Variants in LRP1B observed in about 807,000 individuals in gnomAD.
The protein encoded by LRP1B is LDL receptor related protein 1B, also known as low-density lipoprotein receptor-related protein 1B.
A neutral mutation model predicts 556.6 loss-of-function variants in LRP1B; 217 were observed. That is an observed-to-expected ratio of 0.39 (90% CI 0.35 to 0.44). The LOEUF (loss-of-function observed/expected upper bound fraction) is 0.44. Among genes scored for constraint, LRP1B ranks in the 20% least tolerant of loss-of-function variants. The pLI is 1.00. For synonymous variants in LRP1B, 2,047 were observed against 1,865.8 expected (o/e 1.10, Z -2.50); for missense variants, 5,053 against 5,620.8 (o/e 0.90, Z 3.23).
chr2:141,521,307 T>TA (rs1353976308), intron 2 of LRP1B, among the ~76,000 whole-genome samples: 1 of 152,108 alleles, frequency 6.6e-6, no homozygotes, highest in Non-Finnish European at 1.5e-5. Flanking sequence ...GGAAACTTTT[T>TA]ATCCACATTT....
chr2:141,678,728 T>G (rs1245826601), intron 2 of LRP1B, among the ~76,000 whole-genome samples: 1 of 152,106 alleles, frequency 6.6e-6, no homozygotes, highest in Non-Finnish European at 1.5e-5. Flanking sequence ...CAATAGGTAA[T>G]TAATTCATAA....
At chr2:141,401,957 A>C (rs886887900) in intron 3 of LRP1B, among the ~76,000 whole-genome samples, 2 of 152,198 alleles carry the variant, frequency 1.3e-5, no homozygotes, top group African/African-American at 2.4e-5. Flanking sequence ...CATGTAAACT[A>C]TATTTGAACG....
chr2:140,303,480 A>C (rs1573758962), intron 83 of LRP1B, among the ~76,000 whole-genome samples: 1 of 151,652 alleles, frequency 6.6e-6, no homozygotes. Context: ...AATTCCTGAC[A>C]TTGTGATCCT....
chr2:142,027,260 C>T (rs893162047), intron 1 of LRP1B, among the ~76,000 whole-genome samples: 1 of 151,448 alleles, frequency 6.6e-6, no homozygotes, highest in Non-Finnish European at 1.5e-5. Flanking sequence ...CTAGTCTAAT[C>T]CTTTCATTTT....
chr2:140,570,326 A>T (rs1307255313), intron 43 of LRP1B, among the ~76,000 whole-genome samples: 3 of 151,720 alleles, frequency 2.0e-5, no homozygotes, highest in Admixed American at 6.6e-5. Flanking sequence ...CCCAAAAATC[A>T]TAATCAAAAA....
intron 23 of LRP1B, among the ~76,000 whole-genome samples, chr2:140,886,949 C>T (rs762309951): frequency 6.6e-6 from 1 of 152,034 alleles, no homozygotes; most frequent in South Asian, 2.1e-4. Flanking sequence ...GCTTTGAAAA[C>T]GGATATGAGA....
At chr2:142,038,363 C>T (rs4550611) in intron 1 of LRP1B, among the ~76,000 whole-genome samples, 30,030 of 151,464 alleles carry the variant, frequency 0.2, 3,314 homozygotes, top group South Asian at 0.44. Flanking sequence ...GAAACTTTAG[C>T]TTCTAAGCTC....
At chr2:140,898,655 G>T in intron 23 of LRP1B, 1 of 432,816 alleles carries the variant, frequency 2.3e-6, no homozygotes, top group South Asian at 1.7e-5. Flanking sequence ...TCTGCCTAAT[G>T]AGATTATGCA....
chr2:140,622,807 A>G (rs1423946859), intron 41 of LRP1B, among the ~76,000 whole-genome samples: 1 of 152,208 alleles, frequency 6.6e-6, no homozygotes, highest in Non-Finnish European at 1.5e-5. Flanking sequence ...TCAGTTCTGT[A>G]TTTGATCGTG....
intron 41 of LRP1B, among the ~76,000 whole-genome samples, chr2:140,653,122 CAT>C (rs1215533252): frequency 6.6e-6 from 1 of 151,988 alleles, no homozygotes; most frequent in Non-Finnish European, 1.5e-5. Context: ...ATAAAACAAA[CAT>C]AGGATGCTAT....
At chr2:140,773,609 TATATA>T (rs1444082338) in intron 33 of LRP1B, among the ~76,000 whole-genome samples, 2 of 151,442 alleles carry the variant, frequency 1.3e-5, no homozygotes, top group East Asian at 3.9e-4. Context: ...ATAAGTATTA[TATATA>T]ATATTTCAGA....
intron 3 of LRP1B, among the ~76,000 whole-genome samples, chr2:141,349,011 A>G (rs1005746795): frequency 6.6e-5 from 10 of 152,032 alleles, no homozygotes; most frequent in African/African-American, 1.5e-4. Flanking sequence ...CCCCAGCCAC[A>G]TGGAACTCTA....
intron 7 of LRP1B, among the ~76,000 whole-genome samples, chr2:141,163,977 G>A (rs1288986225): frequency 6.6e-6 from 1 of 151,794 alleles, no homozygotes; most frequent in Non-Finnish European, 1.5e-5. Flanking sequence ...ATTTCTGTGG[G>A]TAAATTACAT....
At chr2:140,395,407 G>A (rs1011397941) in intron 66 of LRP1B, among the ~76,000 whole-genome samples, 1 of 152,190 alleles carries the variant, frequency 6.6e-6, no homozygotes, top group Non-Finnish European at 1.5e-5. Context: ...AACCTACGTT[G>A]TAAAGTGTTT....
intron 1 of LRP1B, among the ~76,000 whole-genome samples, chr2:142,050,997 G>T (rs948672022): frequency 6.6e-6 from 1 of 152,098 alleles, no homozygotes; most frequent in Non-Finnish European, 1.5e-5. Context: ...TGTGAAGAAA[G>T]TATCAGCAAA....
At chr2:141,485,463 C>T (rs1304990362) in intron 2 of LRP1B, among the ~76,000 whole-genome samples, 1 of 152,104 alleles carries the variant, frequency 6.6e-6, no homozygotes. Context: ...TAGGATATTT[C>T]AGTTGGAAAA....
intron 20 of LRP1B, among the ~76,000 whole-genome samples, chr2:140,947,798 C>T (rs761907979): frequency 3.9e-5 from 6 of 152,200 alleles, no homozygotes; most frequent in Non-Finnish European, 8.8e-5. Flanking sequence ...AATGTATAAT[C>T]TGATCAATAC....
chr2:140,602,704 C>G (rs527966822), intron 41 of LRP1B, among the ~76,000 whole-genome samples: 1 of 149,850 alleles, frequency 6.7e-6, no homozygotes, highest in Admixed American at 6.8e-5. Flanking sequence ...GAGGGCAAAA[C>G]AATAATTAAA....
chr2:140,839,287 C>T (rs1247830029), intron 31 of LRP1B, among the ~76,000 whole-genome samples: 1 of 152,242 alleles, frequency 6.6e-6, no homozygotes, highest in East Asian at 1.9e-4. Context: ...AAGAATGTTT[C>T]CTCCTTGCCT....
Sources: allele counts gnomAD v4.1 joint callset (sites outside exome capture counted in the v4.1 genomes callset), GRCh38; gene constraint gnomAD v4.1.1; transcripts MANE v1.5; gene names NCBI Gene and HGNC (gene_info 2026-07-23, HGNC 2026-07-21).